TMEM74: variants seen among roughly 807,000 people sequenced by gnomAD.
The protein encoded by TMEM74 is transmembrane protein 74.
In TMEM74, 13 loss-of-function variants were observed where a neutral mutation model predicts 18.1. The ratio of observed to expected loss-of-function variants is 0.72; its 90% confidence interval spans 0.47 to 1.14. TMEM74 has a LOEUF of 1.14. Ranked by LOEUF, TMEM74 falls within the 50% of genes most tolerant of loss-of-function variation. The pLI is 0.00. For synonymous variants in TMEM74, 159 were observed against 146.6 expected (o/e 1.08, Z -0.61); for missense variants, 372 against 375.9 (o/e 0.99, Z 0.09).
chr8:108,740,811 T>C (rs924640902), intron 1 of TMEM74, among the ~76,000 whole-genome samples: 11 of 152,214 alleles, frequency 7.2e-5, no homozygotes, highest in Non-Finnish European at 1.6e-4. Context: ...AACATGTGTC[T>C]ACCCTAAAAA....
intron 1 of TMEM74, among the ~76,000 whole-genome samples, chr8:108,731,164 C>A (rs1394809889): frequency 6.6e-6 from 1 of 151,786 alleles, no homozygotes; most frequent in African/African-American, 2.4e-5. Context: ...ATATTTCCTG[C>A]TTTTCTACCC....
chr8:108,633,528 C>T (rs1286033468), intron 2 of TMEM74, among the ~76,000 whole-genome samples: 5 of 151,990 alleles, frequency 3.3e-5, no homozygotes, highest in Admixed American at 3.3e-4. Flanking sequence ...ATGAATATAA[C>T]ATTATCCTTT....
In TMEM74 at chr8:108,718,051, C is replaced by T. The variant is rs867894214; in HGVS notation, n.120-62614G>A. 5.4e-5 allele frequency among the ~76,000 whole-genome samples: 4 copies of T among 73,854 alleles called. No homozygotes were observed. In the South Asian group the frequency reaches 1.9e-3, roughly 36 times the overall value. The allele number at this position is 73,854 out of a possible 152,430, so 48.5% of individuals were successfully genotyped here. ...TCGGCTCACTGCAAGCTCCGCCTCC[C>T]GGGTTCACGCCATTCTCCCGCCTCA... On this transcript the variant is annotated intron_variant and non_coding_transcript_variant, in intron 1 of 3. Coordinates refer to the TMEM74 transcript ENST00000518838.
At chr8:108,675,096 T>C (rs973304031) in intron 1 of TMEM74, among the ~76,000 whole-genome samples, 2 of 152,198 alleles carry the variant, frequency 1.3e-5, no homozygotes, top group Non-Finnish European at 2.9e-5. Flanking sequence ...ATGAGATCAT[T>C]CTGAGACATA....
chr8:108,668,062 A>G (rs996126845), intron 1 of TMEM74, among the ~76,000 whole-genome samples: 1 of 152,186 alleles, frequency 6.6e-6, no homozygotes, highest in South Asian at 2.1e-4. Context: ...CTTGGCTAAG[A>G]TACCATGCTC....
At chr8:108,704,777 A>G (rs62509387) in intron 1 of TMEM74, among the ~76,000 whole-genome samples, 39,088 of 152,104 alleles carry the variant, frequency 0.26, 5,159 homozygotes, top group South Asian at 0.31. Flanking sequence ...CTCAGACTGA[A>G]GGAGGGAGGG....
intron 1 of TMEM74, among the ~76,000 whole-genome samples, chr8:108,722,598 A>T (rs377113504): frequency 6.6e-6 from 1 of 152,220 alleles, no homozygotes; most frequent in African/African-American, 2.4e-5. Flanking sequence ...CTATTTCAGT[A>T]ACAGGGTAAT....
At chr8:108,712,886 G>A (rs1310918651) in intron 1 of TMEM74, among the ~76,000 whole-genome samples, 1 of 152,168 alleles carries the variant, frequency 6.6e-6, no homozygotes, top group Non-Finnish European at 1.5e-5. Context: ...GTGGGACATT[G>A]CTTCCTGGAG....
intron 1 of TMEM74, among the ~76,000 whole-genome samples, chr8:108,756,589 AAAGAAAGAGAAAGG>A (rs1425402796): frequency 2.6e-5 from 3 of 117,494 alleles, no homozygotes; most frequent in African/African-American, 3.8e-5. Flanking sequence ...AGAAAGAAAG[AAAGAAAGAGAAAGG>A]AAGGAAGGAA....
chr8:108,658,970 C>G (rs1362186359), intron 1 of TMEM74, among the ~76,000 whole-genome samples: 1 of 152,036 alleles, frequency 6.6e-6, no homozygotes, highest in Non-Finnish European at 1.5e-5. Flanking sequence ...AAGATGGCAT[C>G]AAGCTAAACT....
At position 108,702,981 on chromosome 8, in the gene TMEM74, CT is replaced by C. The variant is rs907383135; in HGVS notation, n.120-47545del. On this transcript the variant is annotated intron_variant and non_coding_transcript_variant, in intron 1 of 3. Coordinates refer to the TMEM74 transcript ENST00000518838. The stretch of plus-strand genomic sequence containing the variant: ...GAAAAAGAAAAAGAGTATCAGATCC[CT>C]AGAGAGAGCACTGGAAGGGGTCATG... 2.4e-4 allele frequency among the ~76,000 whole-genome samples: 36 copies of C among 151,688 alleles called. 1 individual carries two copies. The highest frequency in any genetic ancestry group is 8.7e-4 in the African/African-American group (36 of 41,288).
At chr8:108,692,864 A>G (rs2130608706) in intron 1 of TMEM74, among the ~76,000 whole-genome samples, 1 of 152,280 alleles carries the variant, frequency 6.6e-6, no homozygotes, top group South Asian at 2.1e-4. Flanking sequence ...TGCATCTCCA[A>G]TCTGCTGCAG....
rs545282011 is a variant in TMEM74, at chr8:108,629,673, C to G, written n.265-20847G>C. 2.0e-5 allele frequency among the ~76,000 whole-genome samples: 3 copies of G among 151,978 alleles called. No homozygotes were observed. The South Asian group carries it at 6.2e-4, about 32-fold the overall frequency. On this transcript the variant is annotated intron_variant and non_coding_transcript_variant, in intron 2 of 3. Transcript: ENST00000518838. ...CTACCAGTCAGAAGAGAGTGGGGGC[C>G]AACATTCAACATTCTTAAATAAAAT...
Position 108,785,129 on chromosome 8 carries a change from C to T in TMEM74, c.-31G>A. On this transcript the variant is annotated 5_prime_UTR_variant, in exon 2 of 2. Coordinates refer to ENST00000297459, the MANE Select transcript of TMEM74 (RefSeq NM_153015.3). ...CTAGTCAGACATCCCCCAGCAGCTTCCGGAAAGTCTGCCAATAGCAACAGA... is the reference window on the plus strand; with the variant it reads ...CTAGTCAGACATCCCCCAGCAGCTTTCGGAAAGTCTGCCAATAGCAACAGA... The T allele has an allele frequency of 7.1e-6, 11 of 1,542,658 alleles. No homozygotes were observed. The highest frequency in any genetic ancestry group is 9.6e-6 in the Non-Finnish European group (11 of 1,149,254).
chr8:108,706,611 T>C (rs1239597375), intron 1 of TMEM74, among the ~76,000 whole-genome samples: 1 of 152,222 alleles, frequency 6.6e-6, no homozygotes, highest in Non-Finnish European at 1.5e-5. Flanking sequence ...TAAAAATCTC[T>C]CTATATAATT....
intron 1 of TMEM74, among the ~76,000 whole-genome samples, chr8:108,717,306 T>C (rs570515419): frequency 6.6e-6 from 1 of 152,292 alleles, no homozygotes; most frequent in East Asian, 1.9e-4. Context: ...ATAAAATATA[T>C]GTAATCATTT....
At chr8:108,616,819 A>G (rs1812388509) in intron 2 of TMEM74, among the ~76,000 whole-genome samples, 1 of 152,060 alleles carries the variant, frequency 6.6e-6, no homozygotes, top group East Asian at 1.9e-4. Flanking sequence ...TATTGTTGCC[A>G]ACAGATGGTA....
intron 2 of TMEM74, among the ~76,000 whole-genome samples, chr8:108,647,454 C>T (rs1244413988): frequency 6.6e-6 from 1 of 151,900 alleles, no homozygotes; most frequent in Non-Finnish European, 1.5e-5. Context: ...TTTTCTATGA[C>T]TAATGTTTAG....
intron 1 of TMEM74, among the ~76,000 whole-genome samples, chr8:108,712,531 C>T (rs942112434): frequency 2.6e-4 from 39 of 152,250 alleles, no homozygotes; most frequent in African/African-American, 8.4e-4. Flanking sequence ...TGGATGTCCT[C>T]CTCATACTGC....
Sources: allele counts gnomAD v4.1 joint callset (sites outside exome capture counted in the v4.1 genomes callset), GRCh38; gene constraint gnomAD v4.1.1; transcripts MANE v1.5; gene names NCBI Gene and HGNC (gene_info 2026-07-23, HGNC 2026-07-21).